Variants in SGCZ observed in about 807,000 individuals in gnomAD.
SGCZ encodes the protein sarcoglycan zeta, also known as zeta-sarcoglycan.
A neutral mutation model predicts 41.3 loss-of-function variants in SGCZ; 40 were observed. The observed-to-expected ratio is 0.97, with a 90% CI of 0.75 to 1.26. SGCZ has a LOEUF of 1.26. SGCZ is among the 50% of genes most tolerant of loss of function. The pLI is 0.00. For synonymous variants in SGCZ, 206 were observed against 137.5 expected (o/e 1.50, Z -3.49); for missense variants, 552 against 369.8 (o/e 1.49, Z -4.04).
chr8:14,856,540 G>C (rs1347494036), intron 1 of SGCZ, among the ~76,000 whole-genome samples: 1 of 152,162 alleles, frequency 6.6e-6, no homozygotes, highest in African/African-American at 2.4e-5. Context: ...GAGAAGCTGA[G>C]CTCTCTCATG....
intron 1 of SGCZ, among the ~76,000 whole-genome samples, chr8:15,215,729 T>C (rs1480685895): frequency 6.6e-6 from 1 of 152,198 alleles, no homozygotes. Flanking sequence ...ACTGATCAGT[T>C]GTTAAAGAGC....
At chr8:15,234,208 A>C (rs1802050399) in intron 1 of SGCZ, among the ~76,000 whole-genome samples, 1 of 152,202 alleles carries the variant, frequency 6.6e-6, no homozygotes, top group Non-Finnish European at 1.5e-5. Context: ...GATGGAGCTA[A>C]AATAAAGGCT....
At chr8:14,256,057 C>T (rs1178690887) in intron 3 of SGCZ, among the ~76,000 whole-genome samples, 1 of 152,022 alleles carries the variant, frequency 6.6e-6, no homozygotes, top group Non-Finnish European at 1.5e-5. Flanking sequence ...CTTGATATAC[C>T]TCTTATTTTC....
chr8:14,401,422 A>T (rs13252131), intron 2 of SGCZ, among the ~76,000 whole-genome samples: 55,060 of 131,668 alleles, frequency 0.42, 12,922 homozygotes, highest in African/African-American at 0.64. Flanking sequence ...TATCTCCTAA[A>T]GCTATCCCTC....
At chr8:14,906,635 C>A (rs1229692430) in intron 1 of SGCZ, among the ~76,000 whole-genome samples, 10 of 152,166 alleles carry the variant, frequency 6.6e-5, no homozygotes, top group Admixed American at 5.2e-4. Context: ...TGTACTAAAT[C>A]CATATTATAC....
intron 5 of SGCZ, among the ~76,000 whole-genome samples, chr8:14,144,573 A>G (rs1230667423): frequency 6.6e-6 from 1 of 152,006 alleles, no homozygotes; most frequent in Non-Finnish European, 1.5e-5. Flanking sequence ...ACATGGCAAA[A>G]CTCTTTCTAC....
intron 2 of SGCZ, among the ~76,000 whole-genome samples, chr8:14,350,292 G>A (rs1188607826): frequency 6.6e-6 from 1 of 151,784 alleles, no homozygotes; most frequent in African/African-American, 2.4e-5. Flanking sequence ...TGAAGATCTG[G>A]GGATATGCAT....
chr8:15,093,356 T>C (rs1161946726), intron 1 of SGCZ, among the ~76,000 whole-genome samples: 1 of 152,216 alleles, frequency 6.6e-6, no homozygotes, highest in Non-Finnish European at 1.5e-5. Context: ...CAGTACTATC[T>C]TGACACTCAA....
At chr8:15,058,126 T>C (rs1804783119) in intron 1 of SGCZ, among the ~76,000 whole-genome samples, 1 of 152,196 alleles carries the variant, frequency 6.6e-6, no homozygotes, top group Non-Finnish European at 1.5e-5. Context: ...CACATTTTAG[T>C]AGGAAGGTAC....
At chr8:14,636,364 T>C (rs1266867290) in intron 1 of SGCZ, among the ~76,000 whole-genome samples, 2 of 151,808 alleles carry the variant, frequency 1.3e-5, no homozygotes, top group African/African-American at 4.8e-5. Flanking sequence ...ATTACACAGG[T>C]TCAAAACAAG....
At chr8:14,217,401 T>A (rs1030455632) in intron 4 of SGCZ, among the ~76,000 whole-genome samples, 1 of 151,866 alleles carries the variant, frequency 6.6e-6, no homozygotes, top group Non-Finnish European at 1.5e-5. Flanking sequence ...AAACGCCTAT[T>A]GTCAATCTCC....
chr8:14,712,726 T>G (rs1286640123), intron 1 of SGCZ, among the ~76,000 whole-genome samples: 1 of 152,170 alleles, frequency 6.6e-6, no homozygotes, highest in African/African-American at 2.4e-5. Flanking sequence ...AGTTTTATTT[T>G]CCTGGTTATT....
chr8:14,367,983 G>T (rs1318054207), intron 2 of SGCZ, among the ~76,000 whole-genome samples: 3 of 152,052 alleles, frequency 2.0e-5, no homozygotes, highest in African/African-American at 4.8e-5. Flanking sequence ...AGGTGGTAGG[G>T]ATGTTACTGG....
chr8:14,319,146 A>G (rs1801830365), intron 3 of SGCZ, among the ~76,000 whole-genome samples: 1 of 152,024 alleles, frequency 6.6e-6, no homozygotes, highest in South Asian at 2.1e-4. Flanking sequence ...AAGTAGAAGA[A>G]ACCAACGAAT....
intron 1 of SGCZ, among the ~76,000 whole-genome samples, chr8:15,019,646 G>A (rs534309059): frequency 4.0e-5 from 6 of 151,636 alleles, no homozygotes; most frequent in African/African-American, 1.5e-4. Flanking sequence ...GAGGTGGGGG[G>A]CATTCTCAGC....
At chr8:15,051,614 T>A (rs1426310477) in intron 1 of SGCZ, among the ~76,000 whole-genome samples, 1 of 152,168 alleles carries the variant, frequency 6.6e-6, no homozygotes, top group Admixed American at 6.6e-5. Context: ...TTGTTCCAAT[T>A]CTAGGAATAC....
chr8:14,603,693 A>C (rs574033576), intron 1 of SGCZ, among the ~76,000 whole-genome samples: 1 of 152,280 alleles, frequency 6.6e-6, no homozygotes, highest in South Asian at 2.1e-4. Flanking sequence ...TGACACTTTC[A>C]CTGATAGCAG....
At chr8:15,224,828 A>C (rs1229188470) in intron 1 of SGCZ, among the ~76,000 whole-genome samples, 1 of 152,178 alleles carries the variant, frequency 6.6e-6, no homozygotes, top group Non-Finnish European at 1.5e-5. Context: ...ATCAGACAAA[A>C]TAAACTTTAT....
chr8:14,237,474 C>T (rs1224394536), intron 4 of SGCZ, 118 bp downstream of exon 4: 1 of 960,048 alleles, frequency 1.0e-6, no homozygotes, highest in African/African-American at 1.6e-5. Flanking sequence ...CAGAGTGAGA[C>T]TCTGTCTCAA....
Sources: allele counts gnomAD v4.1 joint callset (sites outside exome capture counted in the v4.1 genomes callset), GRCh38; gene constraint gnomAD v4.1.1; transcripts MANE v1.5; gene names NCBI Gene and HGNC (gene_info 2026-07-23, HGNC 2026-07-21).